RNF8: variants seen among roughly 807,000 people sequenced by gnomAD.
RNF8 encodes ring finger protein 8.
In RNF8, 8 loss-of-function variants were observed where a neutral mutation model predicts 59.3. The ratio of observed to expected loss-of-function variants is 0.13; its 90% CI spans 0.08 to 0.24. The LOEUF (loss-of-function observed/expected upper bound fraction) is 0.24. Among genes scored for constraint, RNF8 ranks in the 10% least tolerant of loss-of-function variants. The probability of loss-of-function intolerance (pLI) is 1.00; values close to 1 mark genes in which losing one functional copy is unlikely to be tolerated. For synonymous variants in RNF8, 162 were observed against 200.0 expected (o/e 0.81, Z 1.60); for missense variants, 406 against 572.6 (o/e 0.71, Z 2.97).
intron 6 of RNF8, among the ~76,000 whole-genome samples, chr6:37,380,901 T>A (rs1770234491): frequency 6.6e-6 from 1 of 152,006 alleles, no homozygotes; most frequent in Non-Finnish European, 1.5e-5. Flanking sequence ...CAGGCTGGTC[T>A]CAAACTCCTG....
At chr6:37,363,058 G>A (rs371941043) in intron 2 of RNF8, among the ~76,000 whole-genome samples, 11 of 152,288 alleles carry the variant, frequency 7.2e-5, no homozygotes, top group African/African-American at 2.2e-4. Flanking sequence ...GTTCAGTCAC[G>A]TCTTACTTGA....
In RNF8 at chr6:37,354,037, G is replaced by C; in HGVS notation, c.-128G>C. ...GGCGAGCGGAGCCTGCTTTCGCAGC[G>C]ATCGCGAGCGTGTGGCGATTGCTTC... On this transcript the variant is annotated 5_prime_UTR_variant, in exon 1 of 8. Coordinates refer to ENST00000373479, the MANE Select transcript of RNF8 (RefSeq NM_003958.4). 1 of 811,630 alleles carries C rather than the reference G, an allele frequency of 1.2e-6. No homozygotes were observed. Among genetic ancestry groups the C allele is most frequent in the South Asian group, 1.5e-5 (1 of 65,156 alleles). 50.3% of individuals were successfully genotyped at this position (811,630 alleles called of 1,614,324 possible).
intron 2 of RNF8, among the ~76,000 whole-genome samples, chr6:37,365,422 C>T: frequency 6.6e-6 from 1 of 152,198 alleles, no homozygotes; most frequent in South Asian, 2.1e-4. Context: ...AATACTGATA[C>T]TTAGTTCCTA....
intron 7 of RNF8, 67 bp downstream of exon 7, chr6:37,381,421 T>C: frequency 7.0e-7 from 1 of 1,421,748 alleles, no homozygotes; most frequent in Non-Finnish European, 9.8e-7. Flanking sequence ...TCAACAAATA[T>C]TTTTGGAAAG....
At chr6:37,376,567 G>A (rs2113827361) in intron 5 of RNF8, among the ~76,000 whole-genome samples, 1 of 152,122 alleles carries the variant, frequency 6.6e-6, no homozygotes, top group Middle Eastern at 3.4e-3. Context: ...GCCCCTTTAA[G>A]GCCACTAACC....
intron 5 of RNF8, 25 bp from the exon 6 acceptor site, chr6:37,376,901 A>G: frequency 1.3e-6 from 2 of 1,547,656 alleles, no homozygotes; most frequent in East Asian, 2.2e-5. Flanking sequence ...TCTCTGAATG[A>G]CAGGTAGGAT....
chr6:37,393,331 TA>T lies in RNF8; in HGVS notation c.*2577del, dbSNP rs747482047. 1.3e-5 allele frequency: 2 copies of T among 152,204 alleles called. No individual in the cohort carries two copies. Among genetic ancestry groups the T allele is most frequent in the Non-Finnish European group, 2.9e-5 (2 of 68,026 alleles). The allele number at this position is 152,204 out of a possible 1,614,324, so 9.4% of individuals were successfully genotyped here. On this transcript the variant is annotated 3_prime_UTR_variant, in exon 8 of 8. Transcript: ENST00000373479. Reference sequence around the variant, plus strand: ...AACAAAAGCCTGAATGTACTATGTTTAAAAGACAAACCAAAAATTAACCCAA... The same window carrying T: ...AACAAAAGCCTGAATGTACTATGTTTAAAGACAAACCAAAAATTAACCCAA...
intron 7 of RNF8, among the ~76,000 whole-genome samples, chr6:37,386,564 C>T (rs1169642508): frequency 6.6e-6 from 1 of 152,184 alleles, no homozygotes; most frequent in East Asian, 1.9e-4. Flanking sequence ...AGATCCAGGG[C>T]TGACTTTGAC....
rs572866766 is a variant in RNF8 at position 37,378,618 on chromosome 6, A to G, written c.1236+1585A>G. On this transcript the variant is annotated intron_variant, in intron 6 of 7. Coordinates refer to ENST00000373479, the MANE Select transcript of RNF8 (RefSeq NM_003958.4). Reference sequence around the variant, plus strand: ...TCCGTCTCAAAAAAAAAAAAAAAAAAAAAAAGAAAAACATATACACACAGC... The same window carrying G: ...TCCGTCTCAAAAAAAAAAAAAAAAAGAAAAAGAAAAACATATACACACAGC... Among the ~76,000 whole-genome samples the G allele has an allele frequency of 9.3e-4, 142 of 151,878 alleles. 1 individual carries two copies. The highest frequency in any genetic ancestry group is 3.4e-3 in the Middle Eastern group (1 of 294).
chr6:37,357,580 A>G lies in RNF8; in HGVS notation c.112-2866A>G, dbSNP rs577727198. 5.3e-5 allele frequency among the ~76,000 whole-genome samples: 8 copies of G among 152,324 alleles called. No individual in the cohort carries two copies. In the East Asian group the frequency reaches 9.6e-4, roughly 18 times the overall value. On this transcript the variant is annotated intron_variant, in intron 1 of 7. Coordinates refer to ENST00000373479, the MANE Select transcript of RNF8 (RefSeq NM_003958.4). ...CGACAGATAAATCCCTAGCCATTCC[A>G]TTTTTAACAGATATGTGTATTCAGA...
At chr6:37,361,984 C>T (rs143895368) in intron 2 of RNF8, among the ~76,000 whole-genome samples, 2 of 152,144 alleles carry the variant, frequency 1.3e-5, no homozygotes, top group Admixed American at 6.5e-5. Context: ...CTCTGCTATG[C>T]CCTGTGTCAA....
chr6:37,392,619 TC>T lies in RNF8; in HGVS notation c.*1863del. The T allele has an allele frequency of 2.5e-6, 1 of 398,608 alleles. No individual in the cohort carries two copies. Among genetic ancestry groups the T allele is most frequent in the East Asian group, 3.6e-5 (1 of 28,068 alleles). The allele number at this position is 398,608 out of a possible 1,614,324, so 24.7% of individuals were successfully genotyped here. ...TTTTCAGATATATGTTGGCAACAGT[TC>T]CATGTCAGTACATAGTTTCCTTTCT... On this transcript the variant is annotated 3_prime_UTR_variant, in exon 8 of 8. Coordinates refer to ENST00000373479, the MANE Select transcript of RNF8 (RefSeq NM_003958.4).
Position 37,381,994 on chromosome 6 carries a change from G to A in RNF8, c.1441+640G>A, listed in dbSNP as rs545073577. Among the ~76,000 whole-genome samples, 51 of 152,270 alleles carry A rather than the reference G, an allele frequency of 3.3e-4. 1 individual carries two copies. The South Asian group carries it at 7.2e-3, about 22-fold the overall frequency. On this transcript the variant is annotated intron_variant, in intron 7 of 7. Coordinates refer to ENST00000373479, the MANE Select transcript of RNF8 (RefSeq NM_003958.4). ...TAACAGCTGTATGCTACTGGGTTTTGTGCCTAAATTTAAGCCCCCACAGAT... is the reference window on the plus strand; with the variant it reads ...TAACAGCTGTATGCTACTGGGTTTTATGCCTAAATTTAAGCCCCCACAGAT...
rs1770745344 is a variant in RNF8 at position 37,392,228 on chromosome 6, C to T, written c.*1470C>T. ...GAACAAAAGGAAAAGATTGTTACCACCTTGATTTAATAACTTCTTGTTTCC... is the reference window on the plus strand; with the variant it reads ...GAACAAAAGGAAAAGATTGTTACCATCTTGATTTAATAACTTCTTGTTTCC... On this transcript the variant is annotated 3_prime_UTR_variant, in exon 8 of 8. Transcript: ENST00000373479. 1 of 382,278 alleles carries T rather than the reference C, an allele frequency of 2.6e-6. No homozygotes were observed. The highest frequency in any genetic ancestry group is 4.5e-5 in the Admixed American group (1 of 22,280). 23.7% of individuals were successfully genotyped at this position (382,278 alleles called of 1,614,324 possible).
chr6:37,358,986 A>G (rs1769217790), intron 1 of RNF8, among the ~76,000 whole-genome samples: 1 of 152,106 alleles, frequency 6.6e-6, no homozygotes, highest in South Asian at 2.1e-4. Flanking sequence ...AATCCCAGCT[A>G]CGTGGAAGCT....
At chr6:37,376,439 A>G (rs997442281) in intron 5 of RNF8, among the ~76,000 whole-genome samples, 2 of 152,214 alleles carry the variant, frequency 1.3e-5, no homozygotes, top group Non-Finnish European at 1.5e-5. Context: ...AGGTTGGGAA[A>G]TCCAAGATCA....
chr6:37,375,686 A>T (rs1336324754), intron 5 of RNF8, among the ~76,000 whole-genome samples: 1 of 152,198 alleles, frequency 6.6e-6, no homozygotes, highest in African/African-American at 2.4e-5. Flanking sequence ...GAATTTGACT[A>T]TGGTTAGAAA....
rs187477783 is a variant in RNF8 at position 37,360,255 on chromosome 6, G to A, written c.112-191G>A. 5.7e-4 allele frequency among the ~76,000 whole-genome samples: 87 copies of A among 152,194 alleles called. No homozygotes were observed. The highest frequency in any genetic ancestry group is 2.0e-3 in the African/African-American group (83 of 41,526). ...TCAGCTTTCTCTTGTTGTCACAACC[G>A]TTTGCCTTTTTCTACTTGGTGGTTC... On this transcript the variant is annotated intron_variant, in intron 1 of 7. Coordinates refer to ENST00000373479, the MANE Select transcript of RNF8 (RefSeq NM_003958.4). This position sits in a 1 kb window ranked among gnomAD's most constrained non-coding sequence, Gnocchi z 4.2.
Position 37,382,571 on chromosome 6 carries a change from C to T in RNF8, c.1441+1217C>T, listed in dbSNP as rs1254039061. On this transcript the variant is annotated intron_variant, in intron 7 of 7. Transcript: ENST00000373479. The stretch of plus-strand genomic sequence containing the variant: ...CAGATTTGGCCAAGATCAGCTGAGT[C>T]GGGGGACGGGGTTGGGGGGTGGACC... Among the ~76,000 whole-genome samples the T allele has an allele frequency of 8.5e-4, 130 of 152,124 alleles. 1 individual carries two copies. Among genetic ancestry groups the T allele is most frequent in the Admixed American group, 8.4e-3 (129 of 15,282 alleles).
Sources: gnomAD v4.1 joint callset for allele counts (sites outside exome capture counted in the v4.1 genomes callset) on GRCh38, gnomAD v4.1.1 for gene constraint, Gnocchi (gnomAD v3.1) non-coding constraint, MANE v1.5 for transcripts, NCBI Gene and HGNC (gene_info 2026-07-23, HGNC 2026-07-21) for gene names.